Variants in CRADD observed in about 807,000 individuals in gnomAD.
The protein encoded by CRADD is death domain-containing protein CRADD.
CRADD carries 9 observed loss-of-function variants against 15.5 expected under a neutral mutation model. That is an observed-to-expected ratio of 0.58 (90% confidence interval 0.35 to 1.01). CRADD has a LOEUF of 1.01. CRADD is among the 50% of genes least tolerant of loss of function. CRADD has a pLI of 0.02. For missense variants in CRADD, 227 were observed against 250.3 expected, an observed-to-expected ratio of 0.91 and a Z score of 0.63; for synonymous variants, 118 against 107.6, an observed-to-expected ratio of 1.10 and a Z score of -0.60.
chr12:93,839,020 G>T (rs1044481913), intron 2 of CRADD, among the ~76,000 whole-genome samples: 1 of 151,796 alleles, frequency 6.6e-6, no homozygotes, highest in Non-Finnish European at 1.5e-5. Context: ...CGATCCACCC[G>T]CCTCGACCTC....
At chr12:93,736,552 T>C (rs1015278669) in intron 2 of CRADD, among the ~76,000 whole-genome samples, 3 of 152,216 alleles carry the variant, frequency 2.0e-5, no homozygotes, top group African/African-American at 4.8e-5. Context: ...CAAGTAGTTA[T>C]AATGGGTGGA....
At chr12:93,701,000 G>A (rs1254133779) in intron 2 of CRADD, among the ~76,000 whole-genome samples, 4 of 151,992 alleles carry the variant, frequency 2.6e-5, no homozygotes, top group Admixed American at 1.3e-4. Context: ...CAGAGGGCAG[G>A]GACCTAGTGC....
chr12:93,805,275 G>A (rs1957523935), intron 2 of CRADD, among the ~76,000 whole-genome samples: 1 of 151,456 alleles, frequency 6.6e-6, no homozygotes. Flanking sequence ...ATATTTCTGA[G>A]TCTTTTTTTC....
chr12:93,859,277 C>T (rs371002308), intron 2 of CRADD: 30 of 453,324 alleles, frequency 6.6e-5, no homozygotes, highest in South Asian at 3.6e-4. Context: ...TAATCAAATA[C>T]ATTTGTTACT....
At chr12:93,799,756 C>G (rs1039463818) in intron 2 of CRADD, among the ~76,000 whole-genome samples, 37 of 152,160 alleles carry the variant, frequency 2.4e-4, no homozygotes, top group African/African-American at 8.7e-4. Flanking sequence ...AAATCAGAGT[C>G]TCATTGCTGT....
chr12:93,706,549 C>T (rs191044913), intron 2 of CRADD, among the ~76,000 whole-genome samples: 300 of 152,178 alleles, frequency 2.0e-3, no homozygotes, highest in Non-Finnish European at 3.2e-3. Context: ...GGAGGAGCAA[C>T]ATGAAATGAG....
chr12:93,753,568 A>G (rs900741725), intron 2 of CRADD, among the ~76,000 whole-genome samples: 6 of 152,260 alleles, frequency 3.9e-5, no homozygotes, highest in African/African-American at 1.4e-4. Flanking sequence ...AATGGGGTAC[A>G]GGCATTCAGT....
intron 2 of CRADD, among the ~76,000 whole-genome samples, chr12:93,821,556 C>T (rs940086128): frequency 1.3e-5 from 2 of 152,174 alleles, no homozygotes; most frequent in Non-Finnish European, 2.9e-5. Context: ...TGCTAGCCAA[C>T]GTGCCTTTTA....
At chr12:93,854,767 T>C (rs1240634406), downstream of CRADD, among the ~76,000 whole-genome samples, 1 of 152,186 alleles carries the variant, frequency 6.6e-6, no homozygotes, top group Non-Finnish European at 1.5e-5. Flanking sequence ...CCACATACGT[T>C]TATGGCCTCC....
At position 93,843,384 on chromosome 12, in the gene CRADD, C is replaced by CTTT. The variant is rs200332416; in HGVS notation, c.299-6572_299-6570dup. Among the ~76,000 whole-genome samples the CTTT allele has an allele frequency of 1.6e-4, 22 of 135,040 alleles. No homozygotes were observed. In the East Asian group the frequency reaches 4.8e-3, roughly 30 times the overall value. The allele number at this position is 135,040 out of a possible 152,430, so 88.6% of individuals were successfully genotyped here. A position where few individuals can be genotyped will look rare whatever the true frequency, so the allele number is the denominator to read the frequency against. On this transcript the variant is annotated intron_variant, in intron 2 of 2. Transcript: ENST00000332896. Reference sequence around the variant, plus strand: ...TTTTTTTCTTTTTTGTCTTTTTATTCTTTTTTTTTTTTTTTTGAGACAGTC... The same window carrying CTTT: ...TTTTTTTCTTTTTTGTCTTTTTATTCTTTTTTTTTTTTTTTTTTTGAGACAGTC...
intron 2 of CRADD, among the ~76,000 whole-genome samples, chr12:93,791,321 A>G (rs933628876): frequency 6.6e-6 from 1 of 152,116 alleles, no homozygotes; most frequent in African/African-American, 2.4e-5. Context: ...ATATACACAC[A>G]ATGGAATACT....
At chr12:93,712,969 C>T (rs1956100266) in intron 2 of CRADD, among the ~76,000 whole-genome samples, 1 of 152,084 alleles carries the variant, frequency 6.6e-6, no homozygotes, top group Non-Finnish European at 1.5e-5. Context: ...CCAGTGTTCT[C>T]TCTGTTCCAG....
intron 2 of CRADD, among the ~76,000 whole-genome samples, chr12:93,736,932 A>C (rs1373582230): frequency 6.6e-6 from 1 of 152,252 alleles, no homozygotes; most frequent in East Asian, 1.9e-4. Flanking sequence ...ATACAAATAC[A>C]ATTATTTCCT....
At chr12:93,857,347 A>G (rs974901410) in intron 2 of CRADD, among the ~76,000 whole-genome samples, 4 of 152,190 alleles carry the variant, frequency 2.6e-5, no homozygotes, top group Non-Finnish European at 5.9e-5. Flanking sequence ...CTTCTAGAAG[A>G]TGAATCAATT....
intron 2 of CRADD, among the ~76,000 whole-genome samples, chr12:93,844,143 A>C (rs144876190): frequency 2.0e-5 from 3 of 152,278 alleles, no homozygotes; most frequent in Non-Finnish European, 2.9e-5. Context: ...TTTTCTAATC[A>C]TATTAAAATA....
intron 2 of CRADD, among the ~76,000 whole-genome samples, chr12:93,806,451 C>CAAAAAAAAAAAAAAA (rs59372325): frequency 3.4e-5 from 2 of 59,222 alleles, no homozygotes; most frequent in African/African-American, 1.1e-4. Flanking sequence ...GACTCCATCT[C>CAAAAAAAAAAAAAAA]AAAAAAAAAA....
intron 2 of CRADD, chr12:93,816,248 G>C (rs1404288514): frequency 6.6e-6 from 1 of 152,064 alleles, no homozygotes; most frequent in Non-Finnish European, 1.5e-5. Flanking sequence ...ATGGAGTCTT[G>C]CTCTGTCGCC....
At chr12:93,784,518 A>G (rs1418297509) in intron 2 of CRADD, among the ~76,000 whole-genome samples, 1 of 152,138 alleles carries the variant, frequency 6.6e-6, no homozygotes, top group African/African-American at 2.4e-5. Context: ...AAGCACCAGC[A>G]GAATGAAGTG....
chr12:93,810,622 A>C (rs11107197), intron 2 of CRADD, among the ~76,000 whole-genome samples: 15 of 148,938 alleles, frequency 1.0e-4, no homozygotes, highest in Admixed American at 1.0e-3. Context: ...CCCTTTGCAG[A>C]ATGCAGTATG....
Sources: allele counts gnomAD v4.1 joint callset (sites outside exome capture counted in the v4.1 genomes callset), GRCh38; gene constraint gnomAD v4.1.1; transcripts MANE v1.5; gene names NCBI Gene and HGNC (gene_info 2026-07-23, HGNC 2026-07-21).